Variants in RRM2 observed in about 807,000 individuals in gnomAD.
RRM2 encodes ribonucleoside-diphosphate reductase subunit M2.
Under a neutral mutation model 45.9 loss-of-function variants are expected in RRM2, and 6 were observed. The observed-to-expected ratio is 0.13, with a 90% CI of 0.07 to 0.26. The LOEUF is 0.26. Ranked by LOEUF, RRM2 falls within the 10% of genes least tolerant of loss-of-function variation. The pLI is 1.00. For synonymous variants in RRM2, 177 were observed against 173.0 expected (o/e 1.02, Z -0.18); for missense variants, 343 against 489.5 (o/e 0.70, Z 2.82).
chr2:10,132,326 A>G (rs544646102), downstream of RRM2, among the ~76,000 whole-genome samples: 1 of 152,140 alleles, frequency 6.6e-6, no homozygotes, highest in Non-Finnish European at 1.5e-5. Flanking sequence ...AAACTGATAG[A>G]TGAGTAGATC....
At position 10,124,699 on chromosome 2, in the gene RRM2, G is replaced by T; in HGVS notation, c.436-18G>T. On this transcript the variant is annotated intron_variant, in intron 4 of 9. Coordinates refer to ENST00000304567, the MANE Select transcript of RRM2 (RefSeq NM_001034.4). ...TTGGTTTTTTCTCAAGCTTAACTTTGATGTGTTTTGCCACTAGGTGGAGCG... is the reference window on the plus strand; with the variant it reads ...TTGGTTTTTTCTCAAGCTTAACTTTTATGTGTTTTGCCACTAGGTGGAGCG... The T allele has an allele frequency of 6.2e-7, 1 of 1,610,962 alleles. No individual in the cohort carries two copies. Among genetic ancestry groups the T allele is most frequent in the Non-Finnish European group, 8.5e-7 (1 of 1,179,658 alleles).
intron 3 of RRM2, among the ~76,000 whole-genome samples, chr2:10,206,056 C>T (rs1664658353): frequency 6.6e-6 from 1 of 151,984 alleles, no homozygotes; most frequent in Non-Finnish European, 1.5e-5. Flanking sequence ...ACCATCCTGG[C>T]TAACATGGTG....
rs1489055253 is a variant in RRM2, at chr2:10,185,907, G to T, written n.483-24404G>T. Among the ~76,000 whole-genome samples, 1 of 152,192 alleles carries T rather than the reference G, an allele frequency of 6.6e-6. No individual in the cohort carries two copies. The highest frequency in any genetic ancestry group is 2.4e-5 in the African/African-American group (1 of 41,444). ...CCTTTCTGTCCTTCCTCGTGCCGAGGTTCTCTCTCCTTGACTGTTTCTCCT... is the reference window on the plus strand; with the variant it reads ...CCTTTCTGTCCTTCCTCGTGCCGAGTTTCTCTCTCCTTGACTGTTTCTCCT... On this transcript the variant is annotated intron_variant and non_coding_transcript_variant, in intron 3 of 3. Coordinates refer to the RRM2 transcript ENST00000381786. The surrounding 1 kb of genome is among the most constrained non-coding windows in gnomAD (Gnocchi z 4.3).
intron 3 of RRM2, among the ~76,000 whole-genome samples, chr2:10,207,758 C>CGT (rs1664689874): frequency 6.6e-6 from 1 of 152,144 alleles, no homozygotes; most frequent in African/African-American, 2.4e-5. Context: ...ATGTTCCCCT[C>CGT]GTGCCATGGT....
At chr2:10,141,766 G>C in intron 1 of RRM2, 1 of 1,378,734 alleles carries the variant, frequency 7.3e-7, no homozygotes, top group South Asian at 1.3e-5. Context: ...AGCCCCAGGA[G>C]GTGGCCATGG....
chr2:10,141,971 C>T, intron 2 of RRM2: 2 of 1,571,376 alleles, frequency 1.3e-6, no homozygotes, highest in Non-Finnish European at 1.7e-6. Flanking sequence ...CAGACGGTGA[C>T]AAGCTCTGAA....
chr2:10,128,659 G>C (rs1042422630), intron 7 of RRM2, among the ~76,000 whole-genome samples, 189 bp from the exon 8 acceptor site: 32 of 152,330 alleles, frequency 2.1e-4, no homozygotes, highest in African/African-American at 7.0e-4. Flanking sequence ...ATGGGACTGA[G>C]CTTGCCTTGG....
intron 3 of RRM2, among the ~76,000 whole-genome samples, chr2:10,179,947 C>T (rs1293834388): frequency 6.6e-6 from 1 of 152,198 alleles, no homozygotes; most frequent in African/African-American, 2.4e-5. Flanking sequence ...TCTGTCTAAT[C>T]CAGCTCTAGA....
chr2:10,189,887 T>G (rs975622370), intron 3 of RRM2, among the ~76,000 whole-genome samples: 1 of 152,210 alleles, frequency 6.6e-6, no homozygotes, highest in Non-Finnish European at 1.5e-5. Flanking sequence ...TTGAGAAGTG[T>G]CTGTTCCCTT....
rs1482837882 is a variant in RRM2 at position 10,171,851 on chromosome 2, C to T, written n.482+29476C>T. ...TCAGGCACTGTTCTGGACACGAGGT[C>T]TCAGGAACAAACAAAATATACAGAA... On this transcript the variant is annotated intron_variant and non_coding_transcript_variant, in intron 3 of 3. Coordinates refer to the RRM2 transcript ENST00000381786. This position sits in a 1 kb window ranked among gnomAD's most constrained non-coding sequence, Gnocchi z 4.1. Among the ~76,000 whole-genome samples the T allele has an allele frequency of 6.6e-6, 1 of 152,176 alleles. No homozygotes were observed. The highest frequency in any genetic ancestry group is 1.5e-5 in the Non-Finnish European group (1 of 68,042).
At chr2:10,199,799 A>AAAAAAAAAC (rs1664505764) in intron 3 of RRM2, among the ~76,000 whole-genome samples, 1 of 149,692 alleles carries the variant, frequency 6.7e-6, no homozygotes, top group South Asian at 2.1e-4. Flanking sequence ...AAAAAAAAAA[A>AAAAAAAAAC]AAAAAAAAAA....
intron 3 of RRM2, among the ~76,000 whole-genome samples, chr2:10,143,140 C>G (rs749564930): frequency 6.6e-6 from 1 of 152,148 alleles, no homozygotes; most frequent in East Asian, 1.9e-4. Flanking sequence ...CCCAAAGGGC[C>G]GGGATTACAG....
chr2:10,154,885 G>A (rs569329710), intron 3 of RRM2, among the ~76,000 whole-genome samples: 3 of 151,898 alleles, frequency 2.0e-5, no homozygotes, highest in East Asian at 1.9e-4. Flanking sequence ...TAGTAGAGAC[G>A]TGGTTTCTCC....
chr2:10,123,353 C>T (rs1260725622), intron 2 of RRM2, 34 bp from the exon 3 acceptor site: 3 of 1,580,246 alleles, frequency 1.9e-6, no homozygotes, highest in Admixed American at 2.0e-5. Context: ...ATGGTTCGCC[C>T]GGTACTTAAA....
intron 3 of RRM2, among the ~76,000 whole-genome samples, chr2:10,173,528 A>G (rs954095144): frequency 2.6e-5 from 4 of 152,148 alleles, no homozygotes; most frequent in African/African-American, 9.7e-5. Context: ...GCCCAGCCCA[A>G]TGCAGGCCCG....
chr2:10,177,668 T>G (rs1385226344), intron 3 of RRM2, among the ~76,000 whole-genome samples: 4 of 28,490 alleles, frequency 1.4e-4, no homozygotes, highest in African/African-American at 2.4e-4. Flanking sequence ...TTCCTTTTCC[T>G]TCCTTCCTTC....
intron 3 of RRM2, among the ~76,000 whole-genome samples, chr2:10,187,930 G>A (rs990793375): frequency 6.6e-6 from 1 of 152,204 alleles, no homozygotes; most frequent in Non-Finnish European, 1.5e-5. Flanking sequence ...TCAGCTTCCT[G>A]TGGGGACTCT....
chr2:10,186,944 C>G (rs930045584), intron 3 of RRM2, among the ~76,000 whole-genome samples: 22 of 152,360 alleles, frequency 1.4e-4, no homozygotes, highest in African/African-American at 5.0e-4. Flanking sequence ...TTGGCAGGGC[C>G]AGGACAAGGA....
At position 10,190,634 on chromosome 2, in the gene RRM2, G is replaced by A. The variant is rs914197147; in HGVS notation, n.483-19677G>A. On this transcript the variant is annotated intron_variant and non_coding_transcript_variant, in intron 3 of 3. Transcript: ENST00000381786. ...TGGTGGTAATGATGGTGGCAATGGT[G>A]GTGGTGATGGTGGGGTTGGTGGTGA... Among the ~76,000 whole-genome samples the A allele has an allele frequency of 4.6e-5, 7 of 151,516 alleles. No homozygotes were observed. The East Asian group carries it at 1.4e-3, about 30-fold the overall frequency.
Sources: gnomAD v4.1 joint callset for allele counts (sites outside exome capture counted in the v4.1 genomes callset) on GRCh38, gnomAD v4.1.1 for gene constraint, Gnocchi (gnomAD v3.1) non-coding constraint, MANE v1.5 for transcripts, NCBI Gene and HGNC (gene_info 2026-07-23, HGNC 2026-07-21) for gene names.